Variants in PLCZ1 observed in about 807,000 individuals in gnomAD.
The protein encoded by PLCZ1 is 1-phosphatidylinositol 4,5-bisphosphate phosphodiesterase zeta-1.
In PLCZ1, 64 loss-of-function variants were observed where a neutral mutation model predicts 76.8. The ratio of observed to expected loss-of-function variants is 0.83; its 90% confidence interval spans 0.68 to 1.03. The LOEUF is 1.03. PLCZ1 is among the 50% of genes least tolerant of loss of function. The probability of loss-of-function intolerance (pLI) is 0.00; values close to 1 mark genes in which losing one functional copy is unlikely to be tolerated. For synonymous variants in PLCZ1, 248 were observed against 230.8 expected, an observed-to-expected ratio of 1.07 and a Z score of -0.68; for missense variants, 751 against 713.7, an observed-to-expected ratio of 1.05 and a Z score of -0.60.
chr12:18,705,443 C>T (rs1240099486), intron 6 of PLCZ1, 128 bp from the exon 7 acceptor site: 8 of 1,106,066 alleles, frequency 7.2e-6, no homozygotes, highest in Non-Finnish European at 7.9e-6. Context: ...AATAACTATT[C>T]TTTAAACTGA....
the PLCZ1 span, chr12:18,647,940 C>G: frequency 1.0e-5 from 16 of 1,600,000 alleles, no homozygotes; most frequent in South Asian, 1.6e-4. Flanking sequence ...AAGAGTAAAA[C>G]TGTATTTGTG....
the PLCZ1 span, among the ~76,000 whole-genome samples, chr12:18,668,866 A>G: frequency 6.6e-6 from 1 of 152,146 alleles, no homozygotes; most frequent in South Asian, 2.1e-4. Context: ...ACACCGGACA[A>G]AAATTCTGAT....
At chr12:18,736,551 C>CTTT in intron 2 of PLCZ1, 1 of 1,242,896 alleles carries the variant, frequency 8.0e-7, no homozygotes, top group Non-Finnish European at 1.1e-6. Context: ...GGGCATAGCA[C>CTTT]AGTAAAAATA....
chr12:18,673,141 G>T, the PLCZ1 span, among the ~76,000 whole-genome samples: 1 of 152,098 alleles, frequency 6.6e-6, no homozygotes, highest in South Asian at 2.1e-4. Context: ...CAGGCTTAAG[G>T]AACAGGGGAA....
chr12:18,667,834 TCCA>T, the PLCZ1 span, among the ~76,000 whole-genome samples: 1 of 152,184 alleles, frequency 6.6e-6, no homozygotes, highest in Non-Finnish European at 1.5e-5. Flanking sequence ...CCATGCCATT[TCCA>T]CCACATTGCT....
intron 12 of PLCZ1, chr12:18,694,039 A>T (rs1954563392): frequency 1.4e-6 from 2 of 1,420,638 alleles, no homozygotes; most frequent in East Asian, 2.3e-5. Flanking sequence ...ACTTCAAAAA[A>T]TCTAAAGAAA....
At chr12:18,671,084 G>A in the PLCZ1 span, among the ~76,000 whole-genome samples, 1 of 151,652 alleles carries the variant, frequency 6.6e-6, no homozygotes, top group Non-Finnish European at 1.5e-5. Flanking sequence ...GGCTGAGGCA[G>A]GAGAATTACT....
chr12:18,694,196 T>A, intron 12 of PLCZ1: 1 of 634,224 alleles, frequency 1.6e-6, no homozygotes, highest in East Asian at 2.7e-5. Context: ...TCTGTTCCCA[T>A]TGATTTTTAT....
chr12:18,678,624 A>G (rs1191022711), downstream of PLCZ1, among the ~76,000 whole-genome samples: 1 of 152,056 alleles, frequency 6.6e-6, no homozygotes, highest in African/African-American at 2.4e-5. Flanking sequence ...CCTTTTGCCT[A>G]CATTCTTTCA....
the PLCZ1 span, among the ~76,000 whole-genome samples, chr12:18,645,988 G>A: frequency 2.6e-5 from 4 of 152,194 alleles, no homozygotes; most frequent in East Asian, 7.8e-4. Context: ...ATGGAGAATA[G>A]TTCAGACAGC....
chr12:18,645,805 GAT>G, the PLCZ1 span, among the ~76,000 whole-genome samples: 24 of 152,138 alleles, frequency 1.6e-4, no homozygotes, highest in Admixed American at 1.2e-3. Flanking sequence ...ATAAATTATT[GAT>G]ATGTTTTTTA....
Position 18,693,421 on chromosome 12 carries a change from G to A in PLCZ1, c.1461+1489C>T, listed in dbSNP as rs112232511. On this transcript the variant is annotated intron_variant, in intron 12 of 14. Transcript: ENST00000266505. ...CATCCTGAATATTATGAAGAGATGG[G>A]TATAAAGCCTCCAAGGGGGTCATTC... 2.5e-6 allele frequency: 4 copies of A among 1,604,310 alleles called. No homozygotes were observed. The African/African-American group carries it at 5.3e-5, about 21-fold the overall frequency.
chr12:18,688,294 TG>T, intron 12 of PLCZ1, 76 bp from the exon 13 acceptor site: 1 of 1,470,622 alleles, frequency 6.8e-7, no homozygotes, highest in Non-Finnish European at 9.2e-7. Context: ...AATTAAGTTA[TG>T]TATTACAAAA....
intron 5 of PLCZ1, among the ~76,000 whole-genome samples, chr12:18,714,130 C>A (rs1957663591): frequency 6.6e-6 from 1 of 152,166 alleles, no homozygotes; most frequent in African/African-American, 2.4e-5. Flanking sequence ...CCCAAACTAC[C>A]AAGAGTTCAC....
At chr12:18,656,504 G>T in the PLCZ1 span, among the ~76,000 whole-genome samples, 3 of 152,158 alleles carry the variant, frequency 2.0e-5, no homozygotes, top group African/African-American at 7.2e-5. Context: ...GAAGGAGGTT[G>T]CAGTGAGACA....
At chr12:18,713,249 G>A (rs1020304175) in intron 5 of PLCZ1, among the ~76,000 whole-genome samples, 1 of 152,004 alleles carries the variant, frequency 6.6e-6, no homozygotes, top group Non-Finnish European at 1.5e-5. Flanking sequence ...TCCATACAAG[G>A]CTTGGTTTTC....
intron 10 of PLCZ1, among the ~76,000 whole-genome samples, chr12:18,697,291 A>G (rs1737661266): frequency 6.6e-6 from 1 of 152,148 alleles, no homozygotes; most frequent in African/African-American, 2.4e-5. Flanking sequence ...ATTACAGTTA[A>G]TTTTATCAAT....
chr12:18,706,359 T>C (rs1196644412), intron 6 of PLCZ1, among the ~76,000 whole-genome samples: 2 of 152,214 alleles, frequency 1.3e-5, no homozygotes, highest in South Asian at 2.1e-4. Context: ...ATTGTTAATA[T>C]ACAAATATTT....
chr12:18,663,474 A>C, the PLCZ1 span, among the ~76,000 whole-genome samples: 1 of 152,154 alleles, frequency 6.6e-6, no homozygotes, highest in East Asian at 1.9e-4. Context: ...TGCATAGGTT[A>C]TATGCAAATA....
Sources: gnomAD v4.1 joint callset for allele counts (sites outside exome capture counted in the v4.1 genomes callset) on GRCh38, gnomAD v4.1.1 for gene constraint, MANE v1.5 for transcripts, NCBI Gene and HGNC (gene_info 2026-07-23, HGNC 2026-07-21) for gene names.